The following PTPRD variants were observed in gnomAD, a reference collection of about 807,000 sequenced individuals.
PTPRD encodes the protein protein tyrosine phosphatase receptor type D.
Under a neutral mutation model 214.5 loss-of-function variants are expected in PTPRD, and 34 were observed. The ratio of observed to expected loss-of-function variants is 0.16; its 90% CI spans 0.12 to 0.21. The LOEUF (loss-of-function observed/expected upper bound fraction) is 0.21, where lower values mean the gene tolerates loss of function less well. Among genes scored for constraint, PTPRD ranks in the 10% least tolerant of loss-of-function variants. The probability of loss-of-function intolerance (pLI) is 1.00; values close to 1 mark genes in which losing one functional copy is unlikely to be tolerated. For synonymous variants in PTPRD, 1,128 were observed against 845.7 expected (o/e 1.33, Z -5.79); for missense variants, 2,545 against 2,398.7 (o/e 1.06, Z -1.27).
chr9:10,338,989 A>G (rs1434849835), intron 3 of PTPRD, among the ~76,000 whole-genome samples: 1 of 151,772 alleles, frequency 6.6e-6, no homozygotes, highest in Non-Finnish European at 1.5e-5. Flanking sequence ...TATAAATTCA[A>G]CTGAGCAAGA....
intron 9 of PTPRD, among the ~76,000 whole-genome samples, chr9:9,325,732 G>A (rs1444571662): frequency 3.9e-5 from 6 of 152,126 alleles, no homozygotes; most frequent in Non-Finnish European, 5.9e-5. Context: ...ACACTATGTT[G>A]AATAGGAGTG....
At chr9:10,594,483 G>C (rs977091699) in intron 2 of PTPRD, among the ~76,000 whole-genome samples, 2 of 152,092 alleles carry the variant, frequency 1.3e-5, no homozygotes, top group East Asian at 3.9e-4. Flanking sequence ...ATTTATACCT[G>C]AGTTTTCAGT....
chr9:8,436,344 T>TA (rs111280210), intron 35 of PTPRD, among the ~76,000 whole-genome samples: 67,004 of 151,652 alleles, frequency 0.44, 15,426 homozygotes, highest in Non-Finnish European at 0.5. Flanking sequence ...AAAATAAAAA[T>TA]AAAAAACAGA....
At chr9:10,139,669 C>T (rs1168196884) in intron 3 of PTPRD, among the ~76,000 whole-genome samples, 1 of 152,026 alleles carries the variant, frequency 6.6e-6, no homozygotes, top group African/African-American at 2.4e-5. Context: ...CAAACCATCA[C>T]AAGGCTAGGA....
At chr9:9,668,377 T>C (rs1352214613) in intron 7 of PTPRD, among the ~76,000 whole-genome samples, 1 of 152,178 alleles carries the variant, frequency 6.6e-6, no homozygotes, top group African/African-American at 2.4e-5. Flanking sequence ...TTTTGCTAAC[T>C]GCAGTCTTCA....
At chr9:8,959,956 A>T (rs1228491160) in intron 11 of PTPRD, among the ~76,000 whole-genome samples, 2 of 151,992 alleles carry the variant, frequency 1.3e-5, no homozygotes, top group African/African-American at 4.8e-5. Context: ...GTACAACATC[A>T]TCTTTCTTTC....
chr9:10,572,371 C>T (rs1051460433), intron 2 of PTPRD, among the ~76,000 whole-genome samples: 1 of 152,064 alleles, frequency 6.6e-6, no homozygotes, highest in African/African-American at 2.4e-5. Context: ...ATTGTTTAAA[C>T]AAAAAGTGCA....
At chr9:9,277,655 T>A (rs1946182924) in intron 9 of PTPRD, among the ~76,000 whole-genome samples, 1 of 151,286 alleles carries the variant, frequency 6.6e-6, no homozygotes, top group Non-Finnish European at 1.5e-5. Flanking sequence ...AAATGATGGG[T>A]AGTAATGAAA....
chr9:9,831,450 G>C (rs1174561655), intron 5 of PTPRD, among the ~76,000 whole-genome samples: 1 of 152,056 alleles, frequency 6.6e-6, no homozygotes, highest in East Asian at 1.9e-4. Flanking sequence ...CCCTGAAATT[G>C]AAATGGGAAT....
intron 12 of PTPRD, among the ~76,000 whole-genome samples, chr9:8,725,226 T>C (rs978372245): frequency 6.6e-6 from 1 of 152,214 alleles, no homozygotes; most frequent in Non-Finnish European, 1.5e-5. Context: ...GATGAGCCAC[T>C]TGGCTGCTTA....
chr9:10,483,407 G>A (rs2099113049), intron 2 of PTPRD, among the ~76,000 whole-genome samples: 1 of 151,702 alleles, frequency 6.6e-6, no homozygotes, highest in Non-Finnish European at 1.5e-5. Flanking sequence ...AAAAGCAAAT[G>A]CAAGAAAAAT....
chr9:9,579,770 T>A (rs2090161699), intron 7 of PTPRD, among the ~76,000 whole-genome samples: 1 of 152,158 alleles, frequency 6.6e-6, no homozygotes, highest in Non-Finnish European at 1.5e-5. Context: ...CACATAGTGG[T>A]GAAGTCAGGG....
chr9:9,480,696 A>G (rs888475300), intron 8 of PTPRD, among the ~76,000 whole-genome samples: 1 of 152,128 alleles, frequency 6.6e-6, no homozygotes, highest in Non-Finnish European at 1.5e-5. Flanking sequence ...TTTTTAGTAT[A>G]TTAAGTGCTG....
In PTPRD at chr9:8,799,851, CTTTT is replaced by C. The variant is rs369187685; in HGVS notation, c.-103-65909_-103-65906del. Among the ~76,000 whole-genome samples, 327 of 151,572 alleles carry C rather than the reference CTTTT, an allele frequency of 2.2e-3. 3 individuals are homozygous for C. In the Middle Eastern group the frequency reaches 0.034, roughly 16 times the overall value. ...TTTGATCTCCCAACTCCCCCACACA[CTTTT>C]TTTTTCTTTTCAAGTTGGTATGTGA... On this transcript the variant is annotated intron_variant, in intron 11 of 45. Transcript: ENST00000381196.
At chr9:9,938,836 CT>C (rs2090464936) in intron 4 of PTPRD, among the ~76,000 whole-genome samples, 1 of 152,064 alleles carries the variant, frequency 6.6e-6, no homozygotes, top group African/African-American at 2.4e-5. Context: ...TAAAATCTTC[CT>C]TATAAAAGGT....
chr9:10,168,929 T>G (rs1225163688), intron 3 of PTPRD, among the ~76,000 whole-genome samples: 2 of 152,214 alleles, frequency 1.3e-5, no homozygotes, highest in Non-Finnish European at 2.9e-5. Context: ...TGTTTCCCTC[T>G]AATATTTGTC....
chr9:10,418,385 T>TG (rs1491198797), intron 2 of PTPRD, among the ~76,000 whole-genome samples: 1 of 151,232 alleles, frequency 6.6e-6, no homozygotes, highest in Non-Finnish European at 1.5e-5. Flanking sequence ...AGGATTCCAT[T>TG]GTGAGAGTTC....
At chr9:9,392,433 G>C (rs1482030982) in intron 9 of PTPRD, among the ~76,000 whole-genome samples, 1 of 152,158 alleles carries the variant, frequency 6.6e-6, no homozygotes, top group Non-Finnish European at 1.5e-5. Context: ...GTTTGGTCTT[G>C]AGGATTCAAC....
At chr9:10,524,284 A>G (rs963893325) in intron 2 of PTPRD, among the ~76,000 whole-genome samples, 1 of 152,030 alleles carries the variant, frequency 6.6e-6, no homozygotes, top group Admixed American at 6.6e-5. Context: ...CAAGATTTAC[A>G]TTTGTTCCGA....
Sources: gnomAD v4.1 joint callset for allele counts (sites outside exome capture counted in the v4.1 genomes callset) on GRCh38, gnomAD v4.1.1 for gene constraint, MANE v1.5 for transcripts, NCBI Gene and HGNC (gene_info 2026-07-23, HGNC 2026-07-21) for gene names.